The following PBLD variants were observed in gnomAD, a reference collection of about 807,000 sequenced individuals.
PBLD encodes the protein phenazine biosynthesis like protein domain containing.
PBLD carries 26 observed loss-of-function variants against 31.3 expected under a neutral mutation model. The ratio of observed to expected loss-of-function variants is 0.83; its 90% CI spans 0.61 to 1.15. The LOEUF (loss-of-function observed/expected upper bound fraction) is 1.15. PBLD is among the 50% of genes most tolerant of loss of function. PBLD has a pLI of 0.00. For missense variants in PBLD, 307 were observed against 351.7 expected (o/e 0.87, Z 1.02); for synonymous variants, 114 against 129.0 (o/e 0.88, Z 0.79).
intron 2 of PBLD, among the ~76,000 whole-genome samples, chr10:68,301,667 T>C (rs2044507852): frequency 6.6e-6 from 1 of 152,212 alleles, no homozygotes; most frequent in South Asian, 2.1e-4. Context: ...TCGTCCTTCC[T>C]TTCTTTCTCT....
At chr10:68,303,075 T>C (rs2044526776) in intron 2 of PBLD, among the ~76,000 whole-genome samples, 1 of 151,782 alleles carries the variant, frequency 6.6e-6, no homozygotes, top group Non-Finnish European at 1.5e-5. Flanking sequence ...TATTTATTTA[T>C]TTATTTATTT....
At chr10:68,319,101 A>AAGAAAG (rs1554860626) in intron 1 of PBLD, among the ~76,000 whole-genome samples, 1 of 135,654 alleles carries the variant, frequency 7.4e-6, no homozygotes, top group Non-Finnish European at 1.5e-5. Context: ...GAAAGAAAGA[A>AAGAAAG]AGAAAGAAAG....
intron 4 of PBLD, 114 bp downstream of exon 4, chr10:68,296,152 T>G (rs1458920103): frequency 4.0e-6 from 3 of 742,348 alleles, no homozygotes; most frequent in Non-Finnish European, 6.5e-6. Flanking sequence ...TGAAGTAAAC[T>G]CTGCAGAGTC....
At chr10:68,293,014 T>A (rs1384921078) in intron 4 of PBLD, among the ~76,000 whole-genome samples, 2 of 152,172 alleles carry the variant, frequency 1.3e-5, no homozygotes, top group African/African-American at 4.8e-5. Flanking sequence ...GCATGAGCCA[T>A]AATGCCTGGA....
Position 68,292,001 on chromosome 10 carries a change from T to A in PBLD, c.423+9A>T. 6.3e-7 allele frequency: 1 copy of A among 1,580,588 alleles called. No homozygotes were observed. On this transcript the variant is annotated intron_variant, in intron 6 of 9. Transcript: ENST00000358769. ...ATAACTAGGCTCAGGTTTGATTCTT[T>A]TTACCAACCTTTATCAAGTCCTCTA... is the stretch of plus-strand genomic sequence containing the variant.
intron 3 of PBLD, 99 bp from the exon 4 acceptor site, chr10:68,296,463 T>G: frequency 1.1e-5 from 9 of 825,164 alleles, no homozygotes. Context: ...TCTAGCATGA[T>G]GAGTAGCCAA....
Position 68,292,158 on chromosome 10 carries a change from C to T in PBLD, c.364G>A (p.Asp122Asn). The T allele has an allele frequency of 3.1e-6, 5 of 1,613,986 alleles. No individual in the cohort carries two copies. Among genetic ancestry groups the T allele is most frequent in the Non-Finnish European group, 3.4e-6 (4 of 1,179,960 alleles). ...GGGTGGGCTGGATAAAGAGGCAAGT[C>T]CAGGACGATGCCATCCTCTGCTCGT... ...ARRAEDGIVLDLPLYPAHPQD... is the reference protein window; with the variant it reads ...ARRAEDGIVLNLPLYPAHPQD... The change falls in exon 5 of 10, where the codon GAC (aspartate) becomes AAC (asparagine). Residue 122 changes from aspartate to asparagine, a missense_variant. By Grantham distance (23) the Asp-to-Asn change is conservative. Transcript: ENST00000358769.
chr10:68,319,516 C>T (rs566247910), intron 1 of PBLD, among the ~76,000 whole-genome samples: 1 of 152,016 alleles, frequency 6.6e-6, no homozygotes, highest in Middle Eastern at 3.4e-3. Context: ...AACCCCGTCT[C>T]TACTAAAAAT....
chr10:68,326,952 C>A (rs1411555254), intron 1 of PBLD, among the ~76,000 whole-genome samples: 1 of 152,078 alleles, frequency 6.6e-6, no homozygotes, highest in Non-Finnish European at 1.5e-5. Context: ...GAGGCTGAGG[C>A]AAGAGAATTG....
chr10:68,317,692 A>G (rs6480326), intron 1 of PBLD, among the ~76,000 whole-genome samples: 27,152 of 151,750 alleles, frequency 0.18, 2,994 homozygotes, highest in African/African-American at 0.29. Context: ...CAGCTACTCA[A>G]GAGGTTGAGG....
chr10:68,319,909 C>T (rs910924113), intron 1 of PBLD, among the ~76,000 whole-genome samples: 1 of 151,020 alleles, frequency 6.6e-6, no homozygotes, highest in Admixed American at 6.6e-5. Flanking sequence ...CGGCAACCTC[C>T]GCCTCCCAGG....
At chr10:68,318,378 A>AAC in intron 1 of PBLD, among the ~76,000 whole-genome samples, 1 of 143,360 alleles carries the variant, frequency 7.0e-6, no homozygotes, top group South Asian at 2.3e-4. Context: ...CCTCTATTAA[A>AAC]AAAAAAAAAA....
chr10:68,284,832 G>T (rs190064819), intron 9 of PBLD, among the ~76,000 whole-genome samples: 6 of 152,290 alleles, frequency 3.9e-5, no homozygotes, highest in Non-Finnish European at 7.4e-5. Flanking sequence ...AATTAGACTC[G>T]CCAAGGAAAA....
chr10:68,327,077 TG>T (rs1329169728), intron 1 of PBLD, among the ~76,000 whole-genome samples: 2 of 151,738 alleles, frequency 1.3e-5, no homozygotes, highest in African/African-American at 2.4e-5. Flanking sequence ...AAAAAAAAAC[TG>T]GGGTTCAGAA....
chr10:68,307,328 C>T (rs1246011559), intron 1 of PBLD, among the ~76,000 whole-genome samples: 2 of 152,050 alleles, frequency 1.3e-5, no homozygotes, highest in Non-Finnish European at 2.9e-5. Flanking sequence ...CTGTGCCTGG[C>T]CAATCCCCTA....
chr10:68,296,479 G>A (rs1294117903), intron 3 of PBLD, 115 bp from the exon 4 acceptor site: 2 of 713,510 alleles, frequency 2.8e-6, no homozygotes, highest in East Asian at 2.7e-5. Flanking sequence ...GCCAAAACAT[G>A]TTGTAAAAGG....
chr10:68,313,827 GACA>G (rs763832055), intron 1 of PBLD, among the ~76,000 whole-genome samples: 4 of 152,136 alleles, frequency 2.6e-5, no homozygotes, highest in Non-Finnish European at 5.9e-5. Context: ...GCCAGAAAAA[GACA>G]ACAACAACAA....
At chr10:68,318,131 C>G (rs1383104977) in intron 1 of PBLD, among the ~76,000 whole-genome samples, 4 of 150,368 alleles carry the variant, frequency 2.7e-5, no homozygotes, top group Non-Finnish European at 4.4e-5. Flanking sequence ...GGAGGCTGAG[C>G]CAGGAGAATG....
At chr10:68,291,416 T>C (rs2044357015) in intron 6 of PBLD, among the ~76,000 whole-genome samples, 1 of 152,200 alleles carries the variant, frequency 6.6e-6, no homozygotes, top group African/African-American at 2.4e-5. Context: ...TGCAAGGTAC[T>C]CATGCTTTCT....
Sources: gnomAD v4.1 joint callset for allele counts (sites outside exome capture counted in the v4.1 genomes callset) on GRCh38, gnomAD v4.1.1 for gene constraint, MANE v1.5 for transcripts, NCBI Gene and HGNC (gene_info 2026-07-23, HGNC 2026-07-21) for gene names.